The following IKZF1 variants were observed in gnomAD, a reference collection of about 807,000 sequenced individuals.
The protein encoded by IKZF1 is IKAROS family zinc finger 1, also known as DNA-binding protein Ikaros.
In IKZF1, 10 loss-of-function variants were observed where a neutral mutation model predicts 51.7. The ratio of observed to expected loss-of-function variants is 0.19; its 90% CI spans 0.12 to 0.33. The LOEUF is 0.33. IKZF1 is among the 10% of genes least tolerant of loss of function. The pLI, the probability that IKZF1 is intolerant of heterozygous loss-of-function variation, is 1.00. For missense variants in IKZF1, 484 were observed against 707.5 expected (o/e 0.68, Z 3.58); for synonymous variants, 280 against 282.3 (o/e 0.99, Z 0.08).
intron 3 of IKZF1, among the ~76,000 whole-genome samples, chr7:50,345,836 G>C (rs1354421897): frequency 6.6e-6 from 1 of 152,186 alleles, no homozygotes; most frequent in Non-Finnish European, 1.5e-5. Context: ...TCAGGAGTTC[G>C]AGACTAGCCT....
At chr7:50,378,448 G>A (rs540057802) in intron 4 of IKZF1, among the ~76,000 whole-genome samples, 37 of 152,222 alleles carry the variant, frequency 2.4e-4, no homozygotes, top group African/African-American at 8.4e-4. Flanking sequence ...GGATACTCGG[G>A]GACCCATGGT....
intron 3 of IKZF1, among the ~76,000 whole-genome samples, chr7:50,371,839 G>A (rs1465644666): frequency 6.6e-6 from 1 of 152,230 alleles, no homozygotes; most frequent in Non-Finnish European, 1.5e-5. Context: ...TGGTACAGAA[G>A]ATTCCAGATT....
intron 3 of IKZF1, among the ~76,000 whole-genome samples, chr7:50,353,603 C>T (rs1041459435): frequency 6.6e-6 from 1 of 152,206 alleles, no homozygotes; most frequent in African/African-American, 2.4e-5. Flanking sequence ...GTCAGAGCTT[C>T]CAGGTGAGCT....
intron 1 of IKZF1, chr7:50,318,497 G>A: frequency 4.4e-6 from 1 of 226,970 alleles, no homozygotes; most frequent in Non-Finnish European, 8.8e-6. Flanking sequence ...TTGCCCATCT[G>A]CCAGGCTGGA....
At position 50,401,717 on chromosome 7, in the gene IKZF1, C is replaced by G. The variant is rs538554085; in HGVS notation, c.*1090C>G. 9.2e-6 allele frequency: 2 copies of G among 218,226 alleles called. No individual in the cohort carries two copies. 13.5% of individuals were successfully genotyped at this position (218,226 alleles called of 1,614,324 possible). ...TCTCAGTGTTGGTAAGTTTCTTTAC[C>G]TACCCTCACTATATATTATTCTCGT... On this transcript the variant is annotated 3_prime_UTR_variant, in exon 8 of 8. Coordinates refer to ENST00000331340, the MANE Select transcript of IKZF1 (RefSeq NM_006060.6).
chr7:50,368,382 G>A (rs760258100), intron 3 of IKZF1: 1 of 668,978 alleles, frequency 1.5e-6, no homozygotes, highest in South Asian at 1.6e-5. Flanking sequence ...CCTTTTTATT[G>A]AGTGTGAGGA....
chr7:50,332,389 A>G (rs1228054801), intron 3 of IKZF1, among the ~76,000 whole-genome samples: 1 of 152,166 alleles, frequency 6.6e-6, no homozygotes, highest in East Asian at 1.9e-4. Context: ...CTCAGCCACT[A>G]GGATTCTATT....
At chr7:50,384,358 A>G (rs1274125628) in intron 5 of IKZF1, among the ~76,000 whole-genome samples, 1 of 152,222 alleles carries the variant, frequency 6.6e-6, no homozygotes, top group Admixed American at 6.5e-5. Context: ...GGCGGTGCAC[A>G]TGGAGAAGGA....
intron 1 of IKZF1, among the ~76,000 whole-genome samples, chr7:50,313,852 A>G (rs920732117): frequency 1.3e-5 from 2 of 152,250 alleles, no homozygotes; most frequent in African/African-American, 4.8e-5. Context: ...CAAGACAGAC[A>G]ACACCCATGG....
At chr7:50,384,617 T>C (rs1425364766) in intron 5 of IKZF1, among the ~76,000 whole-genome samples, 1 of 152,174 alleles carries the variant, frequency 6.6e-6, no homozygotes, top group African/African-American at 2.4e-5. Context: ...GTGATGAGCA[T>C]GTATGGTGGT....
At chr7:50,317,936 A>G (rs771641733) in intron 1 of IKZF1, among the ~76,000 whole-genome samples, 16 of 152,224 alleles carry the variant, frequency 1.1e-4, no homozygotes, top group Non-Finnish European at 1.9e-4. Context: ...GGTGGCCAAA[A>G]ATAAAAAGGG....
At chr7:50,391,898 A>C in intron 7 of IKZF1, 35 bp downstream of exon 7, 6 of 1,589,036 alleles carry the variant, frequency 3.8e-6, no homozygotes, top group Middle Eastern at 1.7e-4. Context: ...CTTAAAAAAA[A>C]ACTATGTGGG....
intron 3 of IKZF1, among the ~76,000 whole-genome samples, chr7:50,362,356 G>A (rs1805510652): frequency 6.6e-6 from 1 of 152,256 alleles, no homozygotes; most frequent in Non-Finnish European, 1.5e-5. Flanking sequence ...GGCATTTGGA[G>A]CTGAAGGGAA....
At chr7:50,328,217 G>A (rs1257387680) in intron 3 of IKZF1, 1 of 152,788 alleles carries the variant, frequency 6.5e-6, no homozygotes. Flanking sequence ...AAAATAGAAA[G>A]TTTCATAAAT....
chr7:50,367,068 A>G (rs1365562701), intron 3 of IKZF1, among the ~76,000 whole-genome samples: 3 of 152,184 alleles, frequency 2.0e-5, no homozygotes, highest in African/African-American at 4.8e-5. Flanking sequence ...CTCTCAAACT[A>G]TGTTTGCCCA....
chr7:50,403,159 G>T lies in IKZF1; in HGVS notation c.*2532G>T. ...AATGTCTCTTTGCACACCTTTTGTT[G>T]TGGTTTTATATTGTAACACCATTTT... is the stretch of plus-strand genomic sequence containing the variant. On this transcript the variant is annotated 3_prime_UTR_variant, in exon 8 of 8. Coordinates refer to ENST00000331340, the MANE Select transcript of IKZF1 (RefSeq NM_006060.6). 4.6e-6 allele frequency: 1 copy of T among 219,646 alleles called. No homozygotes were observed. Among genetic ancestry groups the T allele is most frequent in the Non-Finnish European group, 9.1e-6 (1 of 109,620 alleles). The allele number at this position is 219,646 out of a possible 1,614,324, so 13.6% of individuals were successfully genotyped here.
At chr7:50,368,853 G>T in intron 3 of IKZF1, 3 of 221,778 alleles carry the variant, frequency 1.4e-5, no homozygotes. Flanking sequence ...CAGAAAACAG[G>T]TCGCATTTGT....
intron 4 of IKZF1, among the ~76,000 whole-genome samples, chr7:50,381,329 A>G (rs35399233): frequency 0.07 from 10,656 of 152,286 alleles, 515 homozygotes; most frequent in South Asian, 0.093. Context: ...TCCAGGAAAT[A>G]TGTTGTTACA....
intron 1 of IKZF1, among the ~76,000 whole-genome samples, chr7:50,308,251 G>T (rs567817360): frequency 2.0e-5 from 3 of 152,196 alleles, no homozygotes; most frequent in Non-Finnish European, 4.4e-5. Context: ...TGTCTCCTTG[G>T]TGGTTACTCC....
Sources: gnomAD v4.1 joint callset for allele counts (sites outside exome capture counted in the v4.1 genomes callset) on GRCh38, gnomAD v4.1.1 for gene constraint, MANE v1.5 for transcripts, NCBI Gene and HGNC (gene_info 2026-07-23, HGNC 2026-07-21) for gene names.